The following TUBB variants were observed in gnomAD, a reference collection of about 807,000 sequenced individuals.
The protein encoded by TUBB is tubulin beta chain.
A neutral mutation model predicts 35.1 loss-of-function variants in TUBB; 2 were observed. That is an observed-to-expected ratio of 0.06 (90% CI 0.02 to 0.18). The LOEUF (loss-of-function observed/expected upper bound fraction) is 0.18, where lower values mean the gene tolerates loss of function less well. Among genes scored for constraint, TUBB ranks in the 10% least tolerant of loss-of-function variants. TUBB has a pLI of 1.00. For synonymous variants in TUBB, 205 were observed against 223.8 expected (o/e 0.92, Z 0.75); for missense variants, 50 against 599.4 (o/e 0.08, Z 9.57).
rs1480136096 is a variant in TUBB, at chr6:30,723,758, C to T, written c.696C>T (p.Thr232=). The T allele has an allele frequency of 6.2e-7, 1 of 1,614,230 alleles. No individual in the cohort carries two copies. The part of the protein sequence containing the change: ...YGDLNHLVSA[T]MSGVTTCLRF... Reference sequence around the variant, plus strand: ...ATCTGAACCACCTTGTCTCAGCCACCATGAGTGGTGTCACCACCTGCCTCC... The same window carrying T: ...ATCTGAACCACCTTGTCTCAGCCACTATGAGTGGTGTCACCACCTGCCTCC... Residue 232 remains threonine, a synonymous_variant, in exon 4 of 4, where the codon ACC becomes ACT. Coordinates refer to ENST00000327892, the MANE Select transcript of TUBB (RefSeq NM_178014.4).
In TUBB at chr6:30,724,408, C is replaced by T; in HGVS notation, c.*11C>T. On this transcript the variant is annotated 3_prime_UTR_variant, in exon 4 of 4. Coordinates refer to ENST00000327892, the MANE Select transcript of TUBB (RefSeq NM_178014.4). The surrounding 1 kb of genome is among the most constrained non-coding windows in gnomAD (Gnocchi z 4.4). The stretch of plus-strand genomic sequence containing the variant: ...GAAGAGGAGGCCTAAGGCAGAGCCC[C>T]CATCACCTCAGGCTTCTCAGTTCCC... The T allele has an allele frequency of 6.2e-7, 1 of 1,602,990 alleles. No homozygotes were observed. Among genetic ancestry groups the T allele is most frequent in the Non-Finnish European group, 8.5e-7 (1 of 1,174,616 alleles).
In TUBB at chr6:30,721,479, CA is replaced by C; in HGVS notation, c.57+917del. 4.4e-6 allele frequency: 4 copies of C among 906,992 alleles called. No homozygotes were observed. The South Asian group carries it at 2.0e-4, about 46-fold the overall frequency. 56.2% of individuals were successfully genotyped at this position (906,992 alleles called of 1,614,324 possible). A position where few individuals can be genotyped will look rare whatever the true frequency, so the allele number is the denominator to read the frequency against. On this transcript the variant is annotated intron_variant, in intron 1 of 3. Coordinates refer to ENST00000327892, the MANE Select transcript of TUBB (RefSeq NM_178014.4). ...GGGACAATGCGGCGTTGCCCGCCGG[CA>C]GGGGCGCGCTACCTTGGGCCCCGCC...
intron 2 of TUBB, 86 bp downstream of exon 2, chr6:30,722,731 TC>T: frequency 7.0e-6 from 9 of 1,292,462 alleles, no homozygotes; most frequent in African/African-American, 1.5e-5. Context: ...GCACGCCTTA[TC>T]CCCTTTGGGT....
intron 2 of TUBB, 102 bp downstream of exon 2, chr6:30,722,747 C>A: frequency 8.3e-7 from 1 of 1,204,244 alleles, no homozygotes; most frequent in Non-Finnish European, 1.2e-6. Context: ...TTGGGTGAAT[C>A]TGTCATTTTG....
At position 30,721,888 on chromosome 6, in the gene TUBB, G is replaced by A. The variant is rs187119487; in HGVS notation, c.58-649G>A. 2.1e-4 allele frequency: 210 copies of A among 985,864 alleles called. 2 individuals carry two copies. In the East Asian group the frequency reaches 0.018, roughly 83 times the overall value. The allele number at this position is 985,864 out of a possible 1,614,324, so 61.1% of individuals were successfully genotyped here. On this transcript the variant is annotated intron_variant, in intron 1 of 3. Transcript: ENST00000327892. Reference sequence around the variant, plus strand: ...CGCTTGTGGAATTAAAATGGGAGATGTGGGGCCGAGGTGGGCGAATTGGGA... The same window carrying A: ...CGCTTGTGGAATTAAAATGGGAGATATGGGGCCGAGGTGGGCGAATTGGGA...
intron 1 of TUBB, chr6:30,721,707 T>C (rs1350127697): frequency 2.0e-6 from 2 of 985,032 alleles, no homozygotes; most frequent in Non-Finnish European, 1.2e-6. Flanking sequence ...GCGGCGCTTA[T>C]CGAAGTGTGG....
At chr6:30,723,066 T>C (rs757735804) in intron 3 of TUBB, 38 bp downstream of exon 3, 2 of 1,521,404 alleles carry the variant, frequency 1.3e-6, no homozygotes, top group South Asian at 2.3e-5. Flanking sequence ...TGATATACCA[T>C]CGTGTTCAAC....
chr6:30,720,929 C>T (rs1173127959), intron 1 of TUBB, among the ~76,000 whole-genome samples: 1 of 152,242 alleles, frequency 6.6e-6, no homozygotes, highest in Non-Finnish European at 1.5e-5. Flanking sequence ...GTGCATCCCG[C>T]CCAACCCCCC....
At chr6:30,721,640 A>AC (rs1247551838) in intron 1 of TUBB, 5 of 984,762 alleles carry the variant, frequency 5.1e-6, no homozygotes, top group East Asian at 1.1e-4. Context: ...CTTTCCTCAG[A>AC]CCCCCAGCCT....
Position 30,724,438 on chromosome 6 carries a change from C to G in TUBB, c.*41C>G. 6.5e-7 allele frequency: 1 copy of G among 1,541,828 alleles called. No homozygotes were observed. The highest frequency in any genetic ancestry group is 8.8e-7 in the Non-Finnish European group (1 of 1,140,352). On this transcript the variant is annotated 3_prime_UTR_variant, in exon 4 of 4. Coordinates refer to ENST00000327892, the MANE Select transcript of TUBB (RefSeq NM_178014.4). This position sits in a 1 kb window ranked among gnomAD's most constrained non-coding sequence, Gnocchi z 4.4. ...ACCTCAGGCTTCTCAGTTCCCTTAGCCGTCTTACTCAACTGCCCCTTTCCT... is the reference window on the plus strand; with the variant it reads ...ACCTCAGGCTTCTCAGTTCCCTTAGGCGTCTTACTCAACTGCCCCTTTCCT...
chr6:30,720,648 C>G (rs1776154649), intron 1 of TUBB, 85 bp downstream of exon 1: 2 of 1,220,432 alleles, frequency 1.6e-6, no homozygotes, highest in Non-Finnish European at 2.4e-6. Flanking sequence ...GCATTTGCAC[C>G]CGCTATCCTT....
chr6:30,723,326 T>C lies in TUBB; in HGVS notation c.278-14T>C, dbSNP rs1204483689. On this transcript the variant is annotated splice_polypyrimidine_tract_variant and intron_variant, in intron 3 of 3. Coordinates refer to ENST00000327892, the MANE Select transcript of TUBB (RefSeq NM_178014.4). Reference sequence around the variant, plus strand: ...TACCCTGTTAATTGAGCTTTTCTCCTGACTGCATTCCAGGTCAGTCTGGGG... The same window carrying C: ...TACCCTGTTAATTGAGCTTTTCTCCCGACTGCATTCCAGGTCAGTCTGGGG... The C allele has an allele frequency of 1.3e-6, 2 of 1,582,818 alleles. No homozygotes were observed. The highest frequency in any genetic ancestry group is 3.6e-5 in the Admixed American group (2 of 55,570).
chr6:30,724,250 C>T lies in TUBB; in HGVS notation c.1188C>T (p.His396=), dbSNP rs765832345. ...TGTTCCGCCGGAAGGCCTTCCTCCA[C>T]TGGTACACAGGCGAGGGCATGGACG... ...TAMFRRKAFL[H]WYTGEGMDEM... is the part of the protein sequence containing the mutation. Residue 396 remains histidine, a synonymous_variant, in exon 4 of 4, where the codon CAC becomes CAT. Transcript: ENST00000327892. The surrounding 1 kb of genome is among the most constrained non-coding windows in gnomAD (Gnocchi z 4.4). The T allele has an allele frequency of 1.1e-5, 17 of 1,613,826 alleles. No individual in the cohort carries two copies. The Admixed American group carries it at 2.7e-4, about 25-fold the overall frequency.
rs1776401147 is a variant in TUBB at position 30,723,045 on chromosome 6, A to G, written c.277+17A>G. 3.2e-6 allele frequency: 5 copies of G among 1,575,564 alleles called. No homozygotes were observed. Among genetic ancestry groups the G allele is most frequent in the African/African-American group, 1.4e-5 (1 of 73,814 alleles). On this transcript the variant is annotated intron_variant, in intron 3 of 3. Transcript: ENST00000327892. Reference sequence around the variant, plus strand: ...TTGTATTTGGTGAGTTATACAGATGATATTAGCAGATGATATACCATCGTG... The same window carrying G: ...TTGTATTTGGTGAGTTATACAGATGGTATTAGCAGATGATATACCATCGTG...
At chr6:30,721,422 GCGGGGCGGGGC>G in intron 1 of TUBB, 1 of 313,128 alleles carries the variant, frequency 3.2e-6, no homozygotes, top group East Asian at 1.7e-4. Context: ...GCGGGGCCCT[GCGGGGCGGGGC>G]CGGGGCGCCG....
intron 1 of TUBB, chr6:30,721,650 T>A (rs1776273091): frequency 5.1e-6 from 5 of 985,314 alleles, no homozygotes; most frequent in Non-Finnish European, 6.0e-6. Flanking sequence ...ACCCCCAGCC[T>A]TTTGTGCGCC....
intron 1 of TUBB, chr6:30,721,503 GC>G: frequency 1.0e-6 from 1 of 971,260 alleles, no homozygotes; most frequent in Non-Finnish European, 1.2e-6. Context: ...CTTGGGCCCC[GC>G]CCCTCGCGCG....
At position 30,722,641 on chromosome 6, in the gene TUBB, C is replaced by G; in HGVS notation, c.162C>G (p.Ala54=). 6.2e-7 allele frequency: 1 copy of G among 1,613,778 alleles called. No homozygotes were observed. Among genetic ancestry groups the G allele is most frequent in the Non-Finnish European group, 8.5e-7 (1 of 1,179,816 alleles). The change falls in exon 2 of 4, where the codon GCC becomes GCG. Residue 54 remains alanine (A), a synonymous_variant. Coordinates refer to ENST00000327892, the MANE Select transcript of TUBB (RefSeq NM_178014.4). ...GCATCTCTGTGTACTACAATGAAGC[C>G]ACAGGTAAGGGCAGGAGCCCGGGCA... The part of the protein sequence containing the change: ...LDRISVYYNE[A]TGGKYVPRAI...
chr6:30,723,185 A>G (rs1275184713), intron 3 of TUBB, 155 bp from the exon 4 acceptor site: 196 of 893,776 alleles, frequency 2.2e-4, no homozygotes, highest in Non-Finnish European at 6.3e-5. Context: ...AGTGCCTACT[A>G]TTGCTGGTAA....
Sources: gnomAD v4.1 joint callset for allele counts (sites outside exome capture counted in the v4.1 genomes callset) on GRCh38, gnomAD v4.1.1 for gene constraint, Gnocchi (gnomAD v3.1) non-coding constraint, MANE v1.5 for transcripts, NCBI Gene and HGNC (gene_info 2026-07-23, HGNC 2026-07-21) for gene names.